Variants in PELI2 observed in about 807,000 individuals in gnomAD.
PELI2 encodes pellino E3 ubiquitin protein ligase family member 2.
Under a neutral mutation model 42.3 loss-of-function variants are expected in PELI2, and 23 were observed. The observed-to-expected ratio is 0.54, with a 90% CI of 0.39 to 0.77. PELI2 has a LOEUF of 0.77. Ranked by LOEUF, PELI2 falls within the 30% of genes least tolerant of loss-of-function variation. The pLI is 0.00. For synonymous variants in PELI2, 245 were observed against 212.2 expected (o/e 1.15, Z -1.34); for missense variants, 463 against 553.2 (o/e 0.84, Z 1.64).
At chr14:56,126,702 A>G in intron 1 of PELI2, among the ~76,000 whole-genome samples, 1 of 152,100 alleles carries the variant, frequency 6.6e-6, no homozygotes, top group South Asian at 2.1e-4. Flanking sequence ...GTGATGGGTG[A>G]GCAATTAGGC....
intron 2 of PELI2, among the ~76,000 whole-genome samples, chr14:56,262,854 T>TAA (rs2139839814): frequency 6.6e-6 from 1 of 152,346 alleles, no homozygotes; most frequent in East Asian, 1.9e-4. Context: ...AGCCAGAATG[T>TAA]AAAAGTTTTA....
intron 1 of PELI2, among the ~76,000 whole-genome samples, chr14:56,133,340 A>C (rs1043744821): frequency 1.3e-5 from 2 of 152,218 alleles, no homozygotes; most frequent in African/African-American, 4.8e-5. Flanking sequence ...TTGAGGGGGC[A>C]GCATCAGGAA....
Position 56,279,732 on chromosome 14 carries a change from T to G in PELI2, c.264T>G (p.Thr88=). The change falls in exon 3 of 6, where the codon ACT becomes ACG. Residue 88 remains threonine, a synonymous_variant. Coordinates refer to ENST00000267460, the MANE Select transcript of PELI2 (RefSeq NM_021255.3). ...CCTACACTTTGTCAAGGAATCAGAC[T>G]GTGGTGGTGGAGTACACACATGATA... ...SISYTLSRNQ[T]VVVEYTHDKD... 1 of 1,604,930 alleles carries G rather than the reference T, an allele frequency of 6.2e-7. No individual in the cohort carries two copies. Among genetic ancestry groups the G allele is most frequent in the Non-Finnish European group, 8.5e-7 (1 of 1,171,998 alleles).
chr14:56,284,020 G>C (rs558068902), intron 3 of PELI2, among the ~76,000 whole-genome samples: 3 of 152,354 alleles, frequency 2.0e-5, no homozygotes, highest in African/African-American at 7.2e-5. Flanking sequence ...GGACCTCAGT[G>C]TGGAGAGTTT....
At chr14:56,268,378 A>G (rs557618447) in intron 2 of PELI2, among the ~76,000 whole-genome samples, 3 of 152,266 alleles carry the variant, frequency 2.0e-5, no homozygotes, top group South Asian at 4.1e-4. Flanking sequence ...ACAGCAGGTG[A>G]TTCATATGCA....
intron 2 of PELI2, among the ~76,000 whole-genome samples, chr14:56,263,057 A>G (rs1216519494): frequency 6.6e-6 from 1 of 152,130 alleles, no homozygotes; most frequent in Non-Finnish European, 1.5e-5. Flanking sequence ...CCCAGGTTCA[A>G]GCAATTCTCC....
intron 1 of PELI2, among the ~76,000 whole-genome samples, chr14:56,121,238 C>CTT (rs113894864): frequency 0.084 from 11,419 of 136,200 alleles, 545 homozygotes; most frequent in South Asian, 0.25. Context: ...AAATTCAGTG[C>CTT]TTTTTTTTTT....
intron 2 of PELI2, among the ~76,000 whole-genome samples, chr14:56,228,003 A>G (rs917363854): frequency 2.0e-5 from 3 of 152,250 alleles, no homozygotes; most frequent in Admixed American, 6.5e-5. Flanking sequence ...TAAAAAGCCA[A>G]GGGTTACCCC....
intron 2 of PELI2, among the ~76,000 whole-genome samples, chr14:56,265,185 G>T (rs1457266353): frequency 1.3e-5 from 2 of 152,048 alleles, no homozygotes; most frequent in African/African-American, 2.4e-5. Flanking sequence ...TGCCAAAACT[G>T]CTTTGAAACA....
At chr14:56,236,324 G>T (rs1566656490) in intron 2 of PELI2, among the ~76,000 whole-genome samples, 1 of 152,100 alleles carries the variant, frequency 6.6e-6, no homozygotes, top group Non-Finnish European at 1.5e-5. Flanking sequence ...ACCTGGAGGA[G>T]GCCTTTATTC....
chr14:56,228,606 C>T (rs1049753579), intron 2 of PELI2, among the ~76,000 whole-genome samples: 4 of 152,136 alleles, frequency 2.6e-5, no homozygotes, highest in East Asian at 1.9e-4. Context: ...GCTTAATTTG[C>T]GTTAAGATTT....
intron 2 of PELI2, among the ~76,000 whole-genome samples, chr14:56,272,360 C>T (rs969607752): frequency 6.6e-6 from 1 of 152,244 alleles, no homozygotes; most frequent in Non-Finnish European, 1.5e-5. Context: ...TGCGTGCATG[C>T]ATACACACAC....
chr14:56,209,575 A>G (rs546458609), intron 2 of PELI2, among the ~76,000 whole-genome samples: 144 of 152,210 alleles, frequency 9.5e-4, no homozygotes, highest in Middle Eastern at 3.4e-3. Context: ...TGTGGTTACT[A>G]TTGTTTTTTG....
chr14:56,121,802 G>T (rs183891090), intron 1 of PELI2, among the ~76,000 whole-genome samples: 1 of 152,264 alleles, frequency 6.6e-6, no homozygotes, highest in East Asian at 1.9e-4. Flanking sequence ...AGCCCTTCCT[G>T]GTCTGTGCTC....
chr14:56,130,031 A>G (rs937590326), intron 1 of PELI2, among the ~76,000 whole-genome samples: 2 of 150,636 alleles, frequency 1.3e-5, no homozygotes, highest in Admixed American at 6.6e-5. Context: ...GTTAAAAATG[A>G]TCCTTAAAGA....
chr14:56,128,094 G>A (rs1220543648), intron 1 of PELI2, among the ~76,000 whole-genome samples: 1 of 152,164 alleles, frequency 6.6e-6, no homozygotes, highest in Non-Finnish European at 1.5e-5. Context: ...GGGATTGCCT[G>A]TACATACTAG....
chr14:56,169,059 A>G (rs563826819), intron 1 of PELI2, among the ~76,000 whole-genome samples: 78 of 152,234 alleles, frequency 5.1e-4, no homozygotes, highest in African/African-American at 1.8e-3. Context: ...ATGCAAGACA[A>G]AGTCCTCCCC....
intron 1 of PELI2, among the ~76,000 whole-genome samples, chr14:56,161,395 C>T (rs1884759891): frequency 6.6e-6 from 1 of 151,974 alleles, no homozygotes. Context: ...CAAACTCCAC[C>T]TCCCAAGTAG....
intron 1 of PELI2, among the ~76,000 whole-genome samples, chr14:56,131,033 G>C (rs1217305980): frequency 6.7e-6 from 1 of 150,338 alleles, no homozygotes; most frequent in African/African-American, 2.4e-5. Flanking sequence ...TAACGTCGCT[G>C]TTATGTTGAT....
Sources: gnomAD v4.1 joint callset for allele counts (sites outside exome capture counted in the v4.1 genomes callset) on GRCh38, gnomAD v4.1.1 for gene constraint, MANE v1.5 for transcripts, NCBI Gene and HGNC (gene_info 2026-07-23, HGNC 2026-07-21) for gene names.